DNAJC7: variants seen among roughly 807,000 people sequenced by gnomAD.
DNAJC7 encodes the protein DnaJ heat shock protein family (Hsp40) member C7, also known as dnaJ homolog subfamily C member 7.
DNAJC7 carries 18 observed loss-of-function variants against 67.4 expected under a neutral mutation model. That is an observed-to-expected ratio of 0.27 (90% confidence interval 0.18 to 0.40). The LOEUF (loss-of-function observed/expected upper bound fraction) is 0.40. DNAJC7 is among the 10% of genes least tolerant of loss of function. DNAJC7 has a pLI of 1.00. For missense variants in DNAJC7, 419 were observed against 613.8 expected (o/e 0.68, Z 3.35); for synonymous variants, 220 against 207.8 (o/e 1.06, Z -0.50).
intron 7 of DNAJC7, 121 bp from the exon 8 acceptor site, chr17:41,989,017 G>A (rs879998920): frequency 1.9e-5 from 23 of 1,199,172 alleles, no homozygotes; most frequent in African/African-American, 4.6e-5. Context: ...ACAGAGCCCC[G>A]CCAACCCCCA....
At chr17:41,981,291 G>A (rs1262040459) in intron 12 of DNAJC7, among the ~76,000 whole-genome samples, 6 of 151,902 alleles carry the variant, frequency 3.9e-5, no homozygotes, top group African/African-American at 7.3e-5. Flanking sequence ...CCGCCTCCTG[G>A]GTGCAAGCGA....
chr17:42,014,216 G>A (rs1226675663), intron 1 of DNAJC7: 1 of 150,894 alleles, frequency 6.6e-6, no homozygotes, highest in Non-Finnish European at 1.5e-5. Flanking sequence ...CGCCCAGGCT[G>A]GAGTGCAATG....
chr17:41,997,327 G>A (rs1555648822), intron 2 of DNAJC7, 88 bp from the exon 3 acceptor site: 27 of 1,498,170 alleles, frequency 1.8e-5, no homozygotes, highest in Admixed American at 2.0e-5. Context: ...AGTGGCTCAT[G>A]CCCATAATCC....
At chr17:42,005,081 C>A (rs1466344353) in intron 1 of DNAJC7, among the ~76,000 whole-genome samples, 1 of 152,166 alleles carries the variant, frequency 6.6e-6, no homozygotes, top group Non-Finnish European at 1.5e-5. Context: ...TGCTCTTCTA[C>A]AATAAATGTT....
chr17:41,982,175 G>A, intron 11 of DNAJC7, 80 bp downstream of exon 11: 2 of 1,578,244 alleles, frequency 1.3e-6, no homozygotes, highest in Non-Finnish European at 8.6e-7. Context: ...CTCTCCAAGG[G>A]GTCCCCTCTG....
chr17:41,993,721 T>C (rs2051571259), intron 5 of DNAJC7, among the ~76,000 whole-genome samples: 1 of 152,014 alleles, frequency 6.6e-6, no homozygotes, highest in African/African-American at 2.4e-5. Context: ...TAAAGCATAA[T>C]AACTGCGAGG....
chr17:41,990,212 A>G (rs1555647507), intron 6 of DNAJC7, 52 bp downstream of exon 6: 7 of 1,514,150 alleles, frequency 4.6e-6, no homozygotes, highest in East Asian at 2.4e-5. Context: ...GCCGGACACC[A>G]TCAGTCCAAT....
chr17:41,999,141 G>A lies in DNAJC7; in HGVS notation c.166+1341C>T, dbSNP rs143691049. Among the ~76,000 whole-genome samples the A allele has an allele frequency of 6.3e-3, 955 of 151,734 alleles. 7 individuals are homozygous for A. The highest frequency in any genetic ancestry group is 0.022 in the African/African-American group (906 of 41,344). On this transcript the variant is annotated intron_variant, in intron 2 of 13. Transcript: ENST00000457167. Reference sequence around the variant, plus strand: ...CTTGTTGCCCAGGCTGGAGTGCAGCGACGTGATCTTGGCTCACTACAACCT... The same window carrying A: ...CTTGTTGCCCAGGCTGGAGTGCAGCAACGTGATCTTGGCTCACTACAACCT...
intron 4 of DNAJC7, among the ~76,000 whole-genome samples, chr17:41,995,443 C>T (rs1387672952): frequency 2.6e-5 from 4 of 152,182 alleles, no homozygotes; most frequent in Admixed American, 6.5e-5. Flanking sequence ...ACTGTATATA[C>T]AGTCATACAC....
chr17:41,988,467 A>G (rs530809918), intron 8 of DNAJC7, among the ~76,000 whole-genome samples: 5 of 152,372 alleles, frequency 3.3e-5, no homozygotes, highest in African/African-American at 1.2e-4. Flanking sequence ...GCTTAAGATT[A>G]TCCCACAGAC....
At chr17:41,983,532 T>C in intron 10 of DNAJC7, 31 bp downstream of exon 10, 1 of 1,551,428 alleles carries the variant, frequency 6.4e-7, no homozygotes, top group Non-Finnish European at 8.7e-7. Flanking sequence ...GTCCACACAG[T>C]TCCCTAAAAA....
intron 12 of DNAJC7, among the ~76,000 whole-genome samples, chr17:41,979,893 G>A (rs1486513744): frequency 1.3e-5 from 2 of 151,354 alleles, no homozygotes; most frequent in South Asian, 2.1e-4. Flanking sequence ...CCCTGGAGGC[G>A]GAGGTTGCAG....
At chr17:42,011,885 C>G (rs2052126363) in intron 1 of DNAJC7, 1 of 152,210 alleles carries the variant, frequency 6.6e-6, no homozygotes, top group Non-Finnish European at 1.5e-5. Flanking sequence ...AGCAAACGAA[C>G]AGCAACTACA....
chr17:41,998,703 G>A (rs1405062669), intron 2 of DNAJC7, among the ~76,000 whole-genome samples: 3 of 152,106 alleles, frequency 2.0e-5, no homozygotes, highest in Non-Finnish European at 4.4e-5. Flanking sequence ...TGCTGACACG[G>A]GATTAAAGTA....
chr17:41,982,504 C>T, intron 10 of DNAJC7, 103 bp from the exon 11 acceptor site: 1 of 1,442,618 alleles, frequency 6.9e-7, no homozygotes, highest in Non-Finnish European at 9.4e-7. Context: ...GTTAACCATG[C>T]CAGGGACTTT....
intron 8 of DNAJC7, 82 bp from the exon 9 acceptor site, chr17:41,987,992 C>G (rs2051427022): frequency 1.7e-6 from 2 of 1,154,782 alleles, no homozygotes; most frequent in East Asian, 2.5e-5. Context: ...CTTCAAAACT[C>G]TAAGAGGATC....
At chr17:42,013,378 C>T (rs570681591) in intron 1 of DNAJC7, 3 of 152,344 alleles carry the variant, frequency 2.0e-5, no homozygotes, top group Admixed American at 6.5e-5. Context: ...ATGCTGCAAT[C>T]GTGAAGTCCG....
At chr17:41,979,929 C>A (rs1555645700) in intron 12 of DNAJC7, among the ~76,000 whole-genome samples, 2 of 151,830 alleles carry the variant, frequency 1.3e-5, no homozygotes, top group African/African-American at 2.4e-5. Context: ...CCACTGCACT[C>A]CAGCCTGGGT....
At chr17:41,993,067 G>C (rs2051550918) in intron 5 of DNAJC7, among the ~76,000 whole-genome samples, 2 of 152,200 alleles carry the variant, frequency 1.3e-5, no homozygotes, top group Non-Finnish European at 2.9e-5. Flanking sequence ...ATGCTAATAA[G>C]TTACTGCCGG....
Sources: gnomAD v4.1 joint callset for allele counts (sites outside exome capture counted in the v4.1 genomes callset) on GRCh38, gnomAD v4.1.1 for gene constraint, MANE v1.5 for transcripts, NCBI Gene and HGNC (gene_info 2026-07-23, HGNC 2026-07-21) for gene names.